AQR: variants seen among roughly 807,000 people sequenced by gnomAD.
AQR encodes the protein RNA helicase aquarius.
A neutral mutation model predicts 180.5 loss-of-function variants in AQR; 61 were observed. The observed-to-expected ratio is 0.34, with a 90% confidence interval of 0.28 to 0.42. AQR has a LOEUF of 0.42. AQR is among the 10% of genes least tolerant of loss of function. The pLI, the probability that AQR is intolerant of heterozygous loss-of-function variation, is 1.00. For missense variants in AQR, 1,281 were observed against 1,798.3 expected (o/e 0.71, Z 5.20); for synonymous variants, 551 against 588.8 (o/e 0.94, Z 0.93).
At chr15:34,969,469 A>C (rs1393063737) in intron 1 of AQR, 70 bp downstream of exon 1, 4 of 1,550,656 alleles carry the variant, frequency 2.6e-6, no homozygotes, top group Middle Eastern at 1.7e-4. Context: ...CTGAAAAAAA[A>C]CCCCACCACC....
rs1892756593 is a variant in AQR, at chr15:34,867,716, A to G, written c.3769-107T>C. Reference sequence around the variant, plus strand: ...AAACATCTTATCCTTAATCAATCCCAAAAGAAACATAATCATAGGCTTGGA... The same window carrying G: ...AAACATCTTATCCTTAATCAATCCCGAAAGAAACATAATCATAGGCTTGGA... On this transcript the variant is annotated intron_variant, in intron 31 of 34. Transcript: ENST00000156471. 4 of 756,612 alleles carry G rather than the reference A, an allele frequency of 5.3e-6. No homozygotes were observed. In the East Asian group the frequency reaches 1.1e-4, roughly 20 times the overall value. The allele number at this position is 756,612 out of a possible 1,614,324, so 46.9% of individuals were successfully genotyped here. A position where few individuals can be genotyped will look rare whatever the true frequency, so the allele number is the denominator to read the frequency against.
At chr15:34,920,718 G>C (rs1164373688) in intron 13 of AQR, among the ~76,000 whole-genome samples, 1 of 152,122 alleles carries the variant, frequency 6.6e-6, no homozygotes, top group African/African-American at 2.4e-5. Flanking sequence ...CAGCACTTTG[G>C]GAGGCCGAGG....
rs569877065 is a variant in AQR, at chr15:34,969,667, G to A, written c.-54C>T. 4 of 1,573,192 alleles carry A rather than the reference G, an allele frequency of 2.5e-6. No individual in the cohort carries two copies. Among genetic ancestry groups the A allele is most frequent in the South Asian group, 1.1e-5 (1 of 88,286 alleles). On this transcript the variant is annotated 5_prime_UTR_variant, in exon 1 of 35. Transcript: ENST00000156471. ...AAACTAAAGGACCGCTCTGGGCAGC[G>A]GCAACCCTGGTCCACTTCCCTTAAG...
chr15:34,888,532 T>G (rs1893096007), intron 24 of AQR, among the ~76,000 whole-genome samples: 1 of 150,616 alleles, frequency 6.6e-6, no homozygotes, highest in South Asian at 2.1e-4. Context: ...CCGTCTCTAC[T>G]AAAATACAAA....
Position 34,969,726 on chromosome 15 carries a change from A to T in AQR, c.-113T>A. Reference sequence around the variant, plus strand: ...GGGGCGCTTAACTCCGCGCCGCACAAACGCTCCGGGCCGGATATCCTCAGC... The same window carrying T: ...GGGGCGCTTAACTCCGCGCCGCACATACGCTCCGGGCCGGATATCCTCAGC... On this transcript the variant is annotated 5_prime_UTR_variant, in exon 1 of 35. In the 5' UTR this introduces an upstream ATG that the reference lacks. Coordinates refer to ENST00000156471, the MANE Select transcript of AQR (RefSeq NM_014691.3). 9.4e-7 allele frequency: 1 copy of T among 1,063,720 alleles called. No individual in the cohort carries two copies. Among genetic ancestry groups the T allele is most frequent in the South Asian group, 1.6e-5 (1 of 63,602 alleles). 65.9% of individuals were successfully genotyped at this position (1,063,720 alleles called of 1,614,324 possible). A position where few individuals can be genotyped will look rare whatever the true frequency, so the allele number is the denominator to read the frequency against.
At chr15:34,916,501 T>C (rs1893590190) in intron 15 of AQR, among the ~76,000 whole-genome samples, 1 of 152,130 alleles carries the variant, frequency 6.6e-6, no homozygotes, top group Non-Finnish European at 1.5e-5. Context: ...TAACATTATT[T>C]ATATTAGTAA....
chr15:34,929,076 A>C (rs1184696183), intron 12 of AQR, among the ~76,000 whole-genome samples: 1 of 152,016 alleles, frequency 6.6e-6, no homozygotes, highest in Non-Finnish European at 1.5e-5. Flanking sequence ...GTTCCTTATA[A>C]ATTCTGGATA....
chr15:34,961,339 C>T (rs1258542411), intron 2 of AQR, among the ~76,000 whole-genome samples: 2 of 151,986 alleles, frequency 1.3e-5, no homozygotes, highest in South Asian at 2.1e-4. Flanking sequence ...TGGCCAGGCA[C>T]GGTGGCTCAC....
intron 16 of AQR, among the ~76,000 whole-genome samples, chr15:34,912,566 C>A (rs1893516960): frequency 2.0e-5 from 3 of 150,752 alleles, no homozygotes; most frequent in Non-Finnish European, 1.5e-5. Flanking sequence ...TAAAAACAAG[C>A]AAACAAAGAA....
intron 19 of AQR, among the ~76,000 whole-genome samples, chr15:34,902,154 T>A (rs1893341777): frequency 6.6e-6 from 1 of 152,126 alleles, no homozygotes; most frequent in East Asian, 1.9e-4. Flanking sequence ...GAGCTTTGAT[T>A]TATTTCATCA....
intron 2 of AQR, among the ~76,000 whole-genome samples, chr15:34,962,354 G>A (rs1461181482): frequency 1.3e-5 from 2 of 152,096 alleles, no homozygotes; most frequent in Non-Finnish European, 2.9e-5. Flanking sequence ...AAGTACATTT[G>A]TGAAATAAGT....
At chr15:34,900,503 G>T in intron 20 of AQR, 119 bp downstream of exon 20, 1 of 1,208,422 alleles carries the variant, frequency 8.3e-7, no homozygotes, top group Admixed American at 2.5e-5. Context: ...TGAAGGTAGG[G>T]ACTGCTAAAA....
chr15:34,953,267 C>T lies in AQR; in HGVS notation c.174-347G>A, dbSNP rs541130544. Among the ~76,000 whole-genome samples the T allele has an allele frequency of 7.9e-5, 12 of 152,284 alleles. No individual in the cohort carries two copies. The South Asian group carries it at 2.3e-3, about 29-fold the overall frequency. ...TGTGGAGGAAATATCAGATATTTGT[C>T]TTTAATATACTGTCTTTTTTAAATA... is the stretch of plus-strand genomic sequence containing the variant. On this transcript the variant is annotated intron_variant, in intron 3 of 34. Transcript: ENST00000156471.
chr15:34,859,308 A>G (rs1169709337), intron 34 of AQR, among the ~76,000 whole-genome samples: 1 of 152,242 alleles, frequency 6.6e-6, no homozygotes, highest in African/African-American at 2.4e-5. Flanking sequence ...GATGCTCATC[A>G]TCAGTCCTTA....
At chr15:34,885,656 T>C (rs1893049556) in intron 25 of AQR, among the ~76,000 whole-genome samples, 1 of 152,182 alleles carries the variant, frequency 6.6e-6, no homozygotes, top group Non-Finnish European at 1.5e-5. Context: ...AGCCAAGTAA[T>C]TTTGTGTCAA....
chr15:34,876,282 A>T (rs1330285290), intron 27 of AQR, among the ~76,000 whole-genome samples: 1 of 152,178 alleles, frequency 6.6e-6, no homozygotes, highest in African/African-American at 2.4e-5. Flanking sequence ...TCATTTCTTG[A>T]ATTGCAATGC....
At chr15:34,871,106 G>C (rs549657460) in intron 30 of AQR, among the ~76,000 whole-genome samples, 184 bp from the exon 31 acceptor site, 1 of 152,264 alleles carries the variant, frequency 6.6e-6, no homozygotes, top group South Asian at 2.1e-4. Context: ...TACATTAACA[G>C]TGATAAATAC....
chr15:34,962,940 T>C (rs2050288304), intron 2 of AQR, among the ~76,000 whole-genome samples: 1 of 152,128 alleles, frequency 6.6e-6, no homozygotes, highest in Non-Finnish European at 1.5e-5. Flanking sequence ...TCATTACTTG[T>C]TGAATGGTAT....
chr15:34,916,375 G>A (rs1031509865), intron 15 of AQR, among the ~76,000 whole-genome samples: 3 of 151,676 alleles, frequency 2.0e-5, no homozygotes, highest in Non-Finnish European at 4.4e-5. Flanking sequence ...ATATCAAAAA[G>A]GTTTTAAAAA....
Sources: gnomAD v4.1 joint callset for allele counts (sites outside exome capture counted in the v4.1 genomes callset) on GRCh38, gnomAD v4.1.1 for gene constraint, MANE v1.5 for transcripts, NCBI Gene and HGNC (gene_info 2026-07-23, HGNC 2026-07-21) for gene names.